HK1: variants seen among roughly 807,000 people sequenced by gnomAD.
HK1 encodes hexokinase 1, also known as hexokinase-1.
In HK1, 28 loss-of-function variants were observed where a neutral mutation model predicts 91.6. The ratio of observed to expected loss-of-function variants is 0.31; its 90% confidence interval spans 0.23 to 0.42. HK1 has a LOEUF of 0.42. Among genes scored for constraint, HK1 ranks in the 10% least tolerant of loss-of-function variants. HK1 has a pLI of 1.00. For synonymous variants in HK1, 430 were observed against 468.1 expected, an observed-to-expected ratio of 0.92 and a Z score of 1.05; for missense variants, 770 against 1,219.8, an observed-to-expected ratio of 0.63 and a Z score of 5.49.
chr10:69,317,990 G>A (rs1272859312), upstream of HK1: 2 of 946,614 alleles, frequency 2.1e-6, no homozygotes, highest in Non-Finnish European at 2.5e-6. Context: ...GCGCTGAACC[G>A]TGCCCCAAGT....
At chr10:69,298,142 C>T (rs926408173) in intron 4 of HK1, among the ~76,000 whole-genome samples, 2 of 150,902 alleles carry the variant, frequency 1.3e-5, no homozygotes, top group Non-Finnish European at 2.9e-5. Context: ...ACCCAGGAGG[C>T]GGAGGTTACA....
intron 5 of HK1, among the ~76,000 whole-genome samples, chr10:69,305,300 C>T (rs370218431): frequency 6.6e-5 from 10 of 152,028 alleles, no homozygotes; most frequent in East Asian, 3.9e-4. Flanking sequence ...TGCCTGCATC[C>T]GACTATAGGG....
At chr10:69,375,589 G>C (rs1337772946) in intron 7 of HK1, among the ~76,000 whole-genome samples, 6 of 152,230 alleles carry the variant, frequency 3.9e-5, no homozygotes, top group Non-Finnish European at 8.8e-5. Flanking sequence ...TGAGGGCCGG[G>C]TGCTCAGGTC....
intron 3 of HK1, among the ~76,000 whole-genome samples, chr10:69,360,783 A>G (rs1849379800): frequency 2.0e-5 from 3 of 152,160 alleles, no homozygotes; most frequent in Admixed American, 6.5e-5. Flanking sequence ...GGGCTCAGGC[A>G]GCCCACTGCA....
chr10:69,359,003 A>G (rs575507054), intron 2 of HK1, among the ~76,000 whole-genome samples: 1 of 152,230 alleles, frequency 6.6e-6, no homozygotes, highest in East Asian at 1.9e-4. Flanking sequence ...AGCTTTGATC[A>G]CACCACTGTA....
At chr10:69,338,600 C>T (rs887131416) in intron 1 of HK1, 1 of 1,289,318 alleles carries the variant, frequency 7.8e-7, no homozygotes, top group African/African-American at 1.5e-5. Flanking sequence ...TCTTCGGGCA[C>T]TGATGTTTGG....
chr10:69,321,813 G>A (rs1016616403), intron 1 of HK1, among the ~76,000 whole-genome samples: 1 of 152,134 alleles, frequency 6.6e-6, no homozygotes, highest in African/African-American at 2.4e-5. Context: ...TATCCAGACG[G>A]CATCTGCATA....
At chr10:69,333,047 G>T (rs12220752) in intron 1 of HK1, among the ~76,000 whole-genome samples, 16,199 of 152,170 alleles carry the variant, frequency 0.11, 1,010 homozygotes, top group South Asian at 0.19. Flanking sequence ...CATGTTCTGA[G>T]GACTCTAAAG....
chr10:69,364,995 C>A (rs1009898541), intron 4 of HK1, 93 bp downstream of exon 4: 1 of 1,434,012 alleles, frequency 7.0e-7, no homozygotes, highest in Non-Finnish European at 9.8e-7. Flanking sequence ...CCTTTGTTGG[C>A]AGAATGGTTT....
In HK1 at chr10:69,380,079, T is replaced by C. The variant is rs1839313241; in HGVS notation, c.1249T>C (p.Tyr417His). The C allele has an allele frequency of 6.2e-7, 1 of 1,613,722 alleles. No individual in the cohort carries two copies. The highest frequency in any genetic ancestry group is 8.5e-7 in the Non-Finnish European group (1 of 1,179,734). Residue 417 changes from tyrosine (Y) to histidine (H), a missense_variant, in exon 9 of 18, where the codon TAC (tyrosine) becomes CAC (histidine). By Grantham distance (83) the Tyr-to-His change is moderately conservative. Around this residue, in one of 7 missense-constraint regions of HK1, gnomAD observed 449 missense variants for 665.1 expected, o/e 0.68. Coordinates refer to ENST00000359426, the MANE Select transcript of HK1 (RefSeq NM_000188.3). The surrounding 1 kb of genome is among the most constrained non-coding windows in gnomAD (Gnocchi z 4.0). ...CACGGTTGGTGTCGACGGATCTCTTTACAAGACGCACCCACAGTGAGTCTG... is the reference window on the plus strand; with the variant it reads ...CACGGTTGGTGTCGACGGATCTCTTCACAAGACGCACCCACAGTGAGTCTG... ...RTTVGVDGSL[Y>H]KTHPQYSRRF... is the part of the protein sequence containing the mutation.
At chr10:69,371,028 C>T (rs1225884604) in intron 7 of HK1, among the ~76,000 whole-genome samples, 1 of 125,674 alleles carries the variant, frequency 8.0e-6, no homozygotes, top group Non-Finnish European at 1.7e-5. Context: ...TATCCTGATG[C>T]TAGAGGGACA....
chr10:69,287,584 G>A (rs1182420722), intron 2 of HK1, among the ~76,000 whole-genome samples: 10 of 152,340 alleles, frequency 6.6e-5, no homozygotes, highest in Non-Finnish European at 1.2e-4. Context: ...AAGTAGATTA[G>A]TGGTTGCCAG....
intron 9 of HK1, 41 bp from the exon 10 acceptor site, chr10:69,382,446 T>A (rs1367770997): frequency 6.2e-7 from 1 of 1,601,962 alleles, no homozygotes; most frequent in Admixed American, 1.7e-5. Flanking sequence ...CAATAAATGC[T>A]CAGTCCAGCT....
chr10:69,384,846 G>C lies in HK1; in HGVS notation c.1770G>C (p.Gly590=), dbSNP rs779819904. The C allele has an allele frequency of 1.2e-6, 2 of 1,614,150 alleles. No homozygotes were observed. Among genetic ancestry groups the C allele is most frequent in the South Asian group, 2.2e-5 (2 of 91,074 alleles). Residue 590 remains glycine (G), a synonymous_variant, in exon 12 of 18, where the codon GGG becomes GGC. Transcript: ENST00000359426. ...SCISDFLDYM[G]IKGPRMPLGF... ...TCTCTGACTTCTTGGACTACATGGG[G>C]ATCAAAGGCCCCAGGATGCCTCTGG...
intron 1 of HK1, among the ~76,000 whole-genome samples, chr10:69,279,111 G>A (rs557349866): frequency 2.6e-5 from 4 of 152,284 alleles, no homozygotes; most frequent in African/African-American, 4.8e-5. Context: ...GGCTGATGTC[G>A]TCTCCTTATG....
chr10:69,380,589 A>C lies in HK1; in HGVS notation c.1265+494A>C, dbSNP rs1839341213. Among the ~76,000 whole-genome samples, 1 of 152,152 alleles carries C rather than the reference A, an allele frequency of 6.6e-6. No homozygotes were observed. The highest frequency in any genetic ancestry group is 1.9e-4 in the East Asian group (1 of 5,182). ...ATTCTTGTTTCAGAAGCTCCTGTTA[A>C]AACCCCCCAAACCCTCAGACTTTAC... On this transcript the variant is annotated intron_variant, in intron 9 of 17. Coordinates refer to ENST00000359426, the MANE Select transcript of HK1 (RefSeq NM_000188.3). This position sits in a 1 kb window ranked among gnomAD's most constrained non-coding sequence, Gnocchi z 4.0.
intron 1 of HK1, among the ~76,000 whole-genome samples, chr10:69,327,114 C>T (rs1008919746): frequency 6.6e-6 from 1 of 150,736 alleles, no homozygotes; most frequent in Admixed American, 6.6e-5. Context: ...AAGCAATCCT[C>T]CTGCCTCAGC....
intron 1 of HK1, among the ~76,000 whole-genome samples, chr10:69,325,996 A>G (rs1035511462): frequency 1.3e-5 from 2 of 150,804 alleles, no homozygotes; most frequent in African/African-American, 4.9e-5. Flanking sequence ...CACTACACCC[A>G]GCTAATTTTT....
In HK1 at chr10:69,380,218, C is replaced by A; in HGVS notation, c.1265+123C>A. On this transcript the variant is annotated intron_variant, in intron 9 of 17. Transcript: ENST00000359426. This position sits in a 1 kb window ranked among gnomAD's most constrained non-coding sequence, Gnocchi z 4.0. The stretch of plus-strand genomic sequence containing the variant: ...CAGACAAGACAATGGTGGTCGGGGG[C>A]TGTGGCTCATGCCTGTAATCTTAGC... The A allele has an allele frequency of 1.3e-6, 1 of 798,786 alleles. No individual in the cohort carries two copies. The highest frequency in any genetic ancestry group is 2.1e-6 in the Non-Finnish European group (1 of 467,630). 49.5% of individuals were successfully genotyped at this position (798,786 alleles called of 1,614,324 possible). A position where few individuals can be genotyped will look rare whatever the true frequency, so the allele number is the denominator to read the frequency against.
Sources: allele counts gnomAD v4.1 joint callset (sites outside exome capture counted in the v4.1 genomes callset), GRCh38; gene constraint gnomAD v4.1.1; regional missense constraint gnomAD v4.1.1; non-coding constraint Gnocchi (gnomAD v3.1); transcripts MANE v1.5; gene names NCBI Gene and HGNC (gene_info 2026-07-23, HGNC 2026-07-21).